The following QRSL1 variants were observed in gnomAD, a reference collection of about 807,000 sequenced individuals.
QRSL1 encodes the protein glutaminyl-tRNA amidotransferase subunit QRSL1, also known as glutamyl-tRNA(Gln) amidotransferase subunit A, mitochondrial.
Under a neutral mutation model 61.6 loss-of-function variants are expected in QRSL1, and 54 were observed. The ratio of observed to expected loss-of-function variants is 0.88; its 90% confidence interval spans 0.70 to 1.10. The LOEUF is 1.10. Ranked by LOEUF, QRSL1 falls within the 50% of genes least tolerant of loss-of-function variation. The pLI, the probability that QRSL1 is intolerant of heterozygous loss-of-function variation, is 0.00. For missense variants in QRSL1, 505 were observed against 622.6 expected, an observed-to-expected ratio of 0.81 and a Z score of 2.01; for synonymous variants, 228 against 225.7, an observed-to-expected ratio of 1.01 and a Z score of -0.09.
chr6:106,649,304 C>A, intron 5 of QRSL1, 103 bp downstream of exon 5: 1 of 1,196,454 alleles, frequency 8.4e-7, no homozygotes, highest in Non-Finnish European at 1.2e-6. Context: ...ATTTTTCTTT[C>A]TAGTGAGCTA....
chr6:106,653,204 A>G (rs1777213779), intron 7 of QRSL1: 1 of 157,358 alleles, frequency 6.4e-6, no homozygotes, highest in Non-Finnish European at 1.4e-5. Flanking sequence ...AATATTAAGC[A>G]TTGCAATATA....
intron 9 of QRSL1, among the ~76,000 whole-genome samples, chr6:106,656,992 G>A (rs1050389397): frequency 8.5e-5 from 13 of 152,190 alleles, no homozygotes; most frequent in South Asian, 8.3e-4. Context: ...ATTTGAGGCC[G>A]GGCCCAGTGG....
intron 3 of QRSL1, 107 bp downstream of exon 3, chr6:106,641,028 G>A: frequency 1.3e-6 from 1 of 780,214 alleles, no homozygotes. Context: ...TATCTTTGAA[G>A]GAAATATTTA....
chr6:106,631,261 G>T (rs1403210136), intron 1 of QRSL1, among the ~76,000 whole-genome samples: 1 of 151,984 alleles, frequency 6.6e-6, no homozygotes, highest in African/African-American at 2.4e-5. Flanking sequence ...TAAATAAACA[G>T]ACAACACCCA....
At chr6:106,642,353 G>T (rs35767623) in intron 3 of QRSL1, 3 of 352,028 alleles carry the variant, frequency 8.5e-6, no homozygotes, top group African/African-American at 4.3e-5. Flanking sequence ...ACCCCGCCCC[G>T]CCGACTCTTG....
Position 106,640,423 on chromosome 6 carries a change from G to A in QRSL1, c.99G>A (p.Lys33=), listed in dbSNP as rs1777000062. ...LCQKCLSLIK[K]TKFLNAYITV... is the part of the protein sequence containing the mutation. ...AAAAATGTCTCTCTCTTATCAAGAA[G>A]ACCAAGTTTCTAAATGCCTACATTA... Residue 33 remains lysine, a synonymous_variant, in exon 2 of 11, where the codon AAG becomes AAA. Transcript: ENST00000369046. 6.2e-7 allele frequency: 1 copy of A among 1,612,054 alleles called. No individual in the cohort carries two copies. The highest frequency in any genetic ancestry group is 1.3e-5 in the African/African-American group (1 of 74,728).
chr6:106,660,698 C>T (rs1382078014), intron 9 of QRSL1, among the ~76,000 whole-genome samples: 3 of 151,552 alleles, frequency 2.0e-5, no homozygotes, highest in African/African-American at 7.3e-5. Context: ...TTATAATGAA[C>T]GGAGATTTAC....
At chr6:106,645,640 C>T (rs1297666178) in intron 4 of QRSL1, among the ~76,000 whole-genome samples, 1 of 152,172 alleles carries the variant, frequency 6.6e-6, no homozygotes, top group East Asian at 1.9e-4. Context: ...CCAGGCTGGT[C>T]TCAAACTCCT....
At chr6:106,664,510 T>G (rs569272737) in intron 10 of QRSL1, among the ~76,000 whole-genome samples, 2 of 152,346 alleles carry the variant, frequency 1.3e-5, no homozygotes, top group East Asian at 3.9e-4. Context: ...GATTTCCCTT[T>G]GATTTTTAAA....
Position 106,654,869 on chromosome 6 carries a change from T to C in QRSL1, c.989T>C (p.Leu330Ser). The change falls in exon 8 of 11, where the codon TTG becomes TCG. Residue 330 changes from leucine (L) to serine (S), a missense_variant. Coordinates refer to ENST00000369046, the MANE Select transcript of QRSL1 (RefSeq NM_018292.5). ...TSYSIVCYHVLCTSEVASNMA... is the reference protein window; with the variant it reads ...TSYSIVCYHVSCTSEVASNMA... ...TATTCAATTGTCTGCTACCATGTAT[T>C]GTGCACATCAGAAGTGGCATCGAAT... 1 of 1,613,366 alleles carries C rather than the reference T, an allele frequency of 6.2e-7. No homozygotes were observed. Among genetic ancestry groups the C allele is most frequent in the Non-Finnish European group, 8.5e-7 (1 of 1,179,724 alleles).
chr6:106,629,740 G>A (rs758001176), intron 1 of QRSL1, 35 bp downstream of exon 1: 18 of 1,591,598 alleles, frequency 1.1e-5, no homozygotes, highest in East Asian at 4.6e-5. Flanking sequence ...CCCCCGGGAG[G>A]GCGGAAAGTT....
At position 106,666,361 on chromosome 6, in the gene QRSL1, A is replaced by G. The variant is rs547768549; in HGVS notation, c.*359A>G. ...AAATAAAATGACGTACAGAGATTCTATATTCTAGAGAGTCAAATGGTCTTG... is the reference window on the plus strand; with the variant it reads ...AAATAAAATGACGTACAGAGATTCTGTATTCTAGAGAGTCAAATGGTCTTG... On this transcript the variant is annotated 3_prime_UTR_variant, in exon 11 of 11. Transcript: ENST00000369046. 8.6e-6 allele frequency: 2 copies of G among 233,286 alleles called. No homozygotes were observed. Among genetic ancestry groups the G allele is most frequent in the South Asian group, 1.1e-4 (2 of 18,074 alleles). 14.5% of individuals were successfully genotyped at this position (233,286 alleles called of 1,614,324 possible). A position where few individuals can be genotyped will look rare whatever the true frequency, so the allele number is the denominator to read the frequency against.
intron 4 of QRSL1, among the ~76,000 whole-genome samples, chr6:106,646,436 A>C (rs1777105626): frequency 6.6e-6 from 1 of 152,194 alleles, no homozygotes; most frequent in Non-Finnish European, 1.5e-5. Context: ...GAAAACAAAA[A>C]AAGGGCTGTG....
intron 9 of QRSL1, among the ~76,000 whole-genome samples, chr6:106,656,384 A>G (rs575834110): frequency 1.3e-5 from 2 of 152,198 alleles, no homozygotes; most frequent in Non-Finnish European, 2.9e-5. Flanking sequence ...TATTGAATCA[A>G]CTTAGTTTTT....
rs1259858137 is a variant in QRSL1, at chr6:106,652,546, G to A, written c.813G>A (p.Leu271=). 2 of 1,614,126 alleles carry A rather than the reference G, an allele frequency of 1.2e-6. No homozygotes were observed. The highest frequency in any genetic ancestry group is 2.2e-5 in the East Asian group (1 of 44,882). Residue 271 remains leucine (L), a synonymous_variant, in exon 7 of 11, where the codon TTG becomes TTA. Coordinates refer to ENST00000369046, the MANE Select transcript of QRSL1 (RefSeq NM_018292.5). ...ATAAACCATTCATGCTTCCCAGTTTGGCAGATGTGAGCAAACTATGTATAG... is the reference window on the plus strand; with the variant it reads ...ATAAACCATTCATGCTTCCCAGTTTAGCAGATGTGAGCAAACTATGTATAG... The part of the protein sequence containing the change: ...PINKPFMLPS[L]ADVSKLCIGI...
intron 1 of QRSL1, among the ~76,000 whole-genome samples, chr6:106,639,111 GTTTTGTTGTT>G: frequency 1.6e-5 from 1 of 60,750 alleles, no homozygotes. Flanking sequence ...TTATTTGTGT[GTTTTGTTGTT>G]TTTTTTTTTT....
At chr6:106,642,143 A>G (rs1466588346) in intron 3 of QRSL1, among the ~76,000 whole-genome samples, 2 of 151,846 alleles carry the variant, frequency 1.3e-5, no homozygotes, top group African/African-American at 4.8e-5. Context: ...TGCAACTTCC[A>G]CCTCCTGGGT....
At chr6:106,639,119 G>GTTTTTTTTTTTTTTTTTTTTT (rs1177849683) in intron 1 of QRSL1, among the ~76,000 whole-genome samples, 1 of 122,798 alleles carries the variant, frequency 8.1e-6, no homozygotes, top group African/African-American at 3.3e-5. Context: ...GTGTTTTGTT[G>GTTTTTTTTTTTTTTTTTTTTT]TTTTTTTTTT....
At chr6:106,652,418 T>C (rs746900758) in intron 6 of QRSL1, 34 bp downstream of exon 6, 1 of 1,613,584 alleles carries the variant, frequency 6.2e-7, no homozygotes, top group South Asian at 1.1e-5. Context: ...TTGCAACAGC[T>C]TCTCTATAAA....
Sources: gnomAD v4.1 joint callset for allele counts (sites outside exome capture counted in the v4.1 genomes callset) on GRCh38, gnomAD v4.1.1 for gene constraint, MANE v1.5 for transcripts, NCBI Gene and HGNC (gene_info 2026-07-23, HGNC 2026-07-21) for gene names.